Variants in RORA observed in about 807,000 individuals in gnomAD.
RORA encodes the protein nuclear receptor ROR-alpha.
A neutral mutation model predicts 69.5 loss-of-function variants in RORA; 7 were observed. The observed-to-expected ratio is 0.10, with a 90% CI of 0.06 to 0.19. The LOEUF (loss-of-function observed/expected upper bound fraction) is 0.19, where lower values mean the gene tolerates loss of function less well. Among genes scored for constraint, RORA ranks in the 10% least tolerant of loss-of-function variants. RORA has a pLI of 1.00. For missense variants in RORA, 457 were observed against 663.0 expected (o/e 0.69, Z 3.41); for synonymous variants, 261 against 240.8 (o/e 1.08, Z -0.78).
chr15:60,597,613 TATATAC>T (rs2068721547), intron 2 of RORA, among the ~76,000 whole-genome samples: 5 of 45,144 alleles, frequency 1.1e-4, no homozygotes, highest in Non-Finnish European at 1.5e-4. Context: ...TATATATATA[TATATAC>T]ATACATATAT....
At chr15:60,601,121 T>A (rs931360322) in intron 2 of RORA, 1 of 152,296 alleles carries the variant, frequency 6.6e-6, no homozygotes, top group East Asian at 1.9e-4. Context: ...ATTGAATTAA[T>A]TTTTCCTTCA....
chr15:60,502,902 G>C, intron 7 of RORA, 35 bp from the exon 8 acceptor site: 2 of 1,335,786 alleles, frequency 1.5e-6, no homozygotes, highest in Non-Finnish European at 2.2e-6. Context: ...GGTCATTTGG[G>C]TCATCTGATG....
At chr15:60,735,954 C>G (rs896420651) in intron 1 of RORA, among the ~76,000 whole-genome samples, 1 of 152,220 alleles carries the variant, frequency 6.6e-6, no homozygotes, top group Non-Finnish European at 1.5e-5. Flanking sequence ...TCTAAACACA[C>G]AGTAGACTAG....
intron 1 of RORA, among the ~76,000 whole-genome samples, chr15:60,832,112 C>G (rs2073050196): frequency 1.3e-5 from 2 of 152,220 alleles, no homozygotes; most frequent in Admixed American, 1.3e-4. Context: ...TTATCCCCTT[C>G]TTCCATAGCC....
At chr15:60,942,873 A>G (rs1892742990) in intron 1 of RORA, among the ~76,000 whole-genome samples, 1 of 152,236 alleles carries the variant, frequency 6.6e-6, no homozygotes, top group Admixed American at 6.5e-5. Context: ...CTGGCCTTAC[A>G]CATTCTGGAA....
chr15:60,930,190 T>G (rs1162175490), intron 1 of RORA, among the ~76,000 whole-genome samples: 1 of 152,162 alleles, frequency 6.6e-6, no homozygotes, highest in East Asian at 1.9e-4. Flanking sequence ...TCATTCTGCA[T>G]AGTAGATACA....
rs539921893 is a variant in RORA at position 60,627,271 on chromosome 15, GCAGA to G, written c.196+51382_196+51385del. ...TCCTTCACCTGCAGGTGTGGGTGTGGCAGACATTCTGGCCTGTCCAGTTCGAAGA... is the reference window on the plus strand; with the variant it reads ...TCCTTCACCTGCAGGTGTGGGTGTGGCATTCTGGCCTGTCCAGTTCGAAGA... On this transcript the variant is annotated intron_variant, in intron 2 of 10. Transcript: ENST00000335670. The G allele has an allele frequency of 5.1e-5, 82 of 1,614,216 alleles. 1 individual carries two copies. In the Admixed American group the frequency reaches 1.0e-3, roughly 20 times the overall value.
chr15:61,218,643 T>C (rs1479641728), intron 1 of RORA, among the ~76,000 whole-genome samples: 1 of 150,264 alleles, frequency 6.7e-6, no homozygotes, highest in African/African-American at 2.5e-5. Context: ...ATTTTGGTAT[T>C]CGTGGGTCCA....
intron 1 of RORA, among the ~76,000 whole-genome samples, chr15:60,940,251 C>T (rs1038717570): frequency 6.6e-6 from 1 of 152,104 alleles, no homozygotes; most frequent in East Asian, 1.9e-4. Flanking sequence ...TAGCCCCAAA[C>T]CAGAAACAAC....
At chr15:60,648,222 C>T (rs2070086741) in intron 2 of RORA, among the ~76,000 whole-genome samples, 1 of 152,104 alleles carries the variant, frequency 6.6e-6, no homozygotes, top group African/African-American at 2.4e-5. Flanking sequence ...TACAATAAAC[C>T]ACATACCTCT....
At chr15:61,109,938 C>T (rs967240551) in intron 1 of RORA, among the ~76,000 whole-genome samples, 7 of 152,118 alleles carry the variant, frequency 4.6e-5, no homozygotes, top group Non-Finnish European at 8.8e-5. Flanking sequence ...ACATTTTGGT[C>T]AATAAGGGAC....
At chr15:61,176,146 C>G (rs10519114) in intron 1 of RORA, 76,991 of 152,068 alleles carry the variant, frequency 0.51, 20,495 homozygotes, top group Non-Finnish European at 0.6. Flanking sequence ...TATATTCCCA[C>G]ATCAAGCAGA....
At chr15:60,940,837 G>A (rs964903154) in intron 1 of RORA, among the ~76,000 whole-genome samples, 2 of 152,166 alleles carry the variant, frequency 1.3e-5, no homozygotes, top group Non-Finnish European at 2.9e-5. Context: ...TGAGGCAGGG[G>A]AATTGTTTGA....
intron 1 of RORA, among the ~76,000 whole-genome samples, chr15:60,854,864 C>T (rs1045958624): frequency 6.6e-6 from 1 of 152,210 alleles, no homozygotes; most frequent in African/African-American, 2.4e-5. Context: ...TATTGGCCTC[C>T]TTCCTTTCCA....
rs577485371 is a variant in RORA, at chr15:60,893,409, G to A, written c.167-214723C>T. Among the ~76,000 whole-genome samples, 26 of 152,314 alleles carry A rather than the reference G, an allele frequency of 1.7e-4. No individual in the cohort carries two copies. The South Asian group carries it at 5.4e-3, about 32-fold the overall frequency. On this transcript the variant is annotated intron_variant, in intron 1 of 10. Coordinates refer to ENST00000335670, the MANE Select transcript of RORA (RefSeq NM_134261.3). ...AGGGTATTAAACATTTTCACTTGGA[G>A]TTTCTCTGAAGGGTTTCTGGACAAC...
chr15:61,221,263 T>C (rs1363797569), intron 1 of RORA, among the ~76,000 whole-genome samples: 1 of 152,244 alleles, frequency 6.6e-6, no homozygotes, highest in East Asian at 1.9e-4. Context: ...TTTATGGCTT[T>C]TGTTTGGCTA....
intron 1 of RORA, among the ~76,000 whole-genome samples, chr15:61,133,933 T>C: frequency 6.6e-6 from 1 of 152,180 alleles, no homozygotes; most frequent in Non-Finnish European, 1.5e-5. Context: ...CTCATGAACA[T>C]CTTGCCAAAA....
rs1198520649 is a variant in RORA, at chr15:60,597,573, T to TATAC, written c.197-65723_197-65722insGTAT. ...CAACATATATATATATATATATATA[T>TATAC]ACACATATATATATATATATACACA... On this transcript the variant is annotated intron_variant, in intron 2 of 10. Transcript: ENST00000335670. Among the ~76,000 whole-genome samples the TATAC allele has an allele frequency of 2.4e-4, 9 of 38,246 alleles. 1 individual carries two copies. The highest frequency in any genetic ancestry group is 1.2e-3 in the Admixed American group (3 of 2,568). 25.1% of individuals were successfully genotyped at this position (38,246 alleles called of 152,430 possible). A position where few individuals can be genotyped will look rare whatever the true frequency, so the allele number is the denominator to read the frequency against.
Position 60,744,282 on chromosome 15 carries a change from T to C in RORA, c.167-65596A>G, listed in dbSNP as rs16943038. 1.0e-2 allele frequency among the ~76,000 whole-genome samples: 1,523 copies of C among 152,332 alleles called. 23 individuals are homozygous for C. The highest frequency in any genetic ancestry group is 0.033 in the African/African-American group (1,388 of 41,572). ...TTTAAATTATTTTTGAAAACCAATGTGTGCTTCTTTGGGAATGACACTGTG... is the reference window on the plus strand; with the variant it reads ...TTTAAATTATTTTTGAAAACCAATGCGTGCTTCTTTGGGAATGACACTGTG... On this transcript the variant is annotated intron_variant, in intron 1 of 10. Transcript: ENST00000335670.
Sources: allele counts gnomAD v4.1 joint callset (sites outside exome capture counted in the v4.1 genomes callset), GRCh38; gene constraint gnomAD v4.1.1; transcripts MANE v1.5; gene names NCBI Gene and HGNC (gene_info 2026-07-23, HGNC 2026-07-21).